Variants in DISP3 observed in about 807,000 individuals in gnomAD.
DISP3 encodes the protein protein dispatched homolog 3.
DISP3 carries 101 observed loss-of-function variants against 135.3 expected under a neutral mutation model. That is an observed-to-expected ratio of 0.75 (90% CI 0.64 to 0.88). The LOEUF (loss-of-function observed/expected upper bound fraction) is 0.88. DISP3 is among the 40% of genes least tolerant of loss of function. The pLI is 0.00. For missense variants in DISP3, 1,713 were observed against 1,878.6 expected (o/e 0.91, Z 1.63); for synonymous variants, 856 against 817.0 (o/e 1.05, Z -0.81).
intron 3 of DISP3, among the ~76,000 whole-genome samples, chr1:11,512,810 A>G (rs1641893891): frequency 6.6e-6 from 1 of 152,182 alleles, no homozygotes; most frequent in Non-Finnish European, 1.5e-5. Context: ...GAACAAAAAG[A>G]GGTTTAATCA....
intron 3 of DISP3, among the ~76,000 whole-genome samples, chr1:11,512,744 CA>C (rs1641891420): frequency 6.6e-6 from 1 of 152,100 alleles, no homozygotes; most frequent in Non-Finnish European, 1.5e-5. Flanking sequence ...CTACTGGTAC[CA>C]ATTTACTGTA....
intron 13 of DISP3, 44 bp downstream of exon 13, chr1:11,526,879 G>A (rs754284852): frequency 6.4e-7 from 1 of 1,570,014 alleles, no homozygotes; most frequent in Non-Finnish European, 8.6e-7. Context: ...CAGCCCGGCT[G>A]CTTCTTTGCC....
At chr1:11,522,771 G>GGCCC (rs1642265862) in intron 10 of DISP3, among the ~76,000 whole-genome samples, 1 of 39,338 alleles carries the variant, frequency 2.5e-5, no homozygotes, top group Non-Finnish European at 5.5e-5. Flanking sequence ...ACCCAGCCAG[G>GGCCC]ACCCAGCCAG....
intron 12 of DISP3, 119 bp downstream of exon 12, chr1:11,525,431 AC>A (rs997538171): frequency 3.3e-6 from 4 of 1,224,506 alleles, no homozygotes; most frequent in East Asian, 2.8e-5. Flanking sequence ...GAGGATGAAG[AC>A]CCCCCTCCCC....
At position 11,537,141 on chromosome 1, in the gene DISP3, G is replaced by A. The variant is rs138642078; in HGVS notation, c.*455G>A. 230 of 162,492 alleles carry A rather than the reference G, an allele frequency of 1.4e-3. 1 individual carries two copies. Among genetic ancestry groups the A allele is most frequent in the African/African-American group, 5.0e-3 (210 of 41,738 alleles). The allele number at this position is 162,492 out of a possible 1,614,324, so 10.1% of individuals were successfully genotyped here. A position where few individuals can be genotyped will look rare whatever the true frequency, so the allele number is the denominator to read the frequency against. ...CAGTAGCAGAGCCAGAGCTGCCTCC[G>A]AGCGCCATGCCGCCCTCGGGAATCA... On this transcript the variant is annotated 3_prime_UTR_variant, in exon 21 of 21. Coordinates refer to ENST00000294484, the MANE Select transcript of DISP3 (RefSeq NM_020780.2).
chr1:11,518,075 G>C (rs1642062459), intron 7 of DISP3, among the ~76,000 whole-genome samples: 1 of 152,204 alleles, frequency 6.6e-6, no homozygotes, highest in Non-Finnish European at 1.5e-5. Flanking sequence ...TCAGTTCAGA[G>C]TTGCTGCTGG....
rs1640958844 is a variant in DISP3, at chr1:11,483,508, GC to G, written c.-4+4138del. On this transcript the variant is annotated intron_variant, in intron 1 of 20. Transcript: ENST00000294484. This position sits in a 1 kb window ranked among gnomAD's most constrained non-coding sequence, Gnocchi z 5.4. ...GCCCAAGGTCACACAGCGAGAAGAGGCCAAGCTGGGATCAGATTTTGATCTG... is the reference window on the plus strand; with the variant it reads ...GCCCAAGGTCACACAGCGAGAAGAGGCAAGCTGGGATCAGATTTTGATCTG... Among the ~76,000 whole-genome samples the G allele has an allele frequency of 6.6e-6, 1 of 152,226 alleles. No homozygotes were observed. Among genetic ancestry groups the G allele is most frequent in the Non-Finnish European group, 1.5e-5 (1 of 68,038 alleles).
intron 10 of DISP3, 151 bp from the exon 11 acceptor site, chr1:11,523,791 G>C (rs1277488079): frequency 1.7e-6 from 1 of 586,900 alleles, no homozygotes; most frequent in Non-Finnish European, 3.0e-6. Flanking sequence ...GTTCTTTCTA[G>C]TTTCTTTCTG....
Position 11,519,943 on chromosome 1 carries a change from T to C in DISP3, c.2200+63T>C, listed in dbSNP as rs1436451463. 2 of 1,511,982 alleles carry C rather than the reference T, an allele frequency of 1.3e-6. No individual in the cohort carries two copies. 93.7% of individuals were successfully genotyped at this position (1,511,982 alleles called of 1,614,324 possible). A position where few individuals can be genotyped will look rare whatever the true frequency, so the allele number is the denominator to read the frequency against. ...CTCCACCCCCAAAACACACAGGAAC[T>C]GGGAGCCCACCCCCTCTCGCAGATG... On this transcript the variant is annotated intron_variant, in intron 9 of 20. Transcript: ENST00000294484. This position sits in a 1 kb window ranked among gnomAD's most constrained non-coding sequence, Gnocchi z 4.3.
At position 11,531,175 on chromosome 1, in the gene DISP3, C is replaced by A; in HGVS notation, c.3229+142C>A. ...TTTGCAGATGTGTATCTGTGCTGAG[C>A]ATGTCCACACCAGGGTGGGGTGTGT... On this transcript the variant is annotated intron_variant, in intron 16 of 20. Coordinates refer to ENST00000294484, the MANE Select transcript of DISP3 (RefSeq NM_020780.2). This position sits in a 1 kb window ranked among gnomAD's most constrained non-coding sequence, Gnocchi z 5.2. 2 of 1,351,728 alleles carry A rather than the reference C, an allele frequency of 1.5e-6. No homozygotes were observed. Among genetic ancestry groups the A allele is most frequent in the Non-Finnish European group, 2.0e-6 (2 of 994,810 alleles). 83.7% of individuals were successfully genotyped at this position (1,351,728 alleles called of 1,614,324 possible).
At chr1:11,523,806 C>T (rs961459177) in intron 10 of DISP3, 136 bp from the exon 11 acceptor site, 1 of 625,092 alleles carries the variant, frequency 1.6e-6, no homozygotes, top group Non-Finnish European at 2.8e-6. Flanking sequence ...TTTCTGACCC[C>T]TGACACCCAC....
At position 11,536,453 on chromosome 1, in the gene DISP3, G is replaced by A. The variant is rs1274962317; in HGVS notation, c.3946G>A (p.Ala1316Thr). Residue 1316 changes from alanine (A) to threonine (T), a missense_variant, in exon 21 of 21, where the codon GCC becomes ACC. Transcript: ENST00000294484. This position sits in a 1 kb window ranked among gnomAD's most constrained non-coding sequence, Gnocchi z 4.3. Reference protein sequence around the residue: ...PLFFCIIAPFAKFGKIVALNT... With the variant: ...PLFFCIIAPFTKFGKIVALNT... ...CTTCTTCTGCATCATCGCCCCATTTGCCAAGTTCGGCAAGATTGTGGCACT... is the reference window on the plus strand; with the variant it reads ...CTTCTTCTGCATCATCGCCCCATTTACCAAGTTCGGCAAGATTGTGGCACT... 1 of 1,613,648 alleles carries A rather than the reference G, an allele frequency of 6.2e-7. No individual in the cohort carries two copies. The highest frequency in any genetic ancestry group is 8.5e-7 in the Non-Finnish European group (1 of 1,180,006).
rs552086878 is a variant in DISP3 at position 11,479,310 on chromosome 1, C to G, written c.-66C>G. The G allele has an allele frequency of 5.1e-5, 8 of 155,950 alleles. No individual in the cohort carries two copies. Among genetic ancestry groups the G allele is most frequent in the Non-Finnish European group, 8.8e-5 (6 of 68,142 alleles). 9.7% of individuals were successfully genotyped at this position (155,950 alleles called of 1,614,324 possible). A position where few individuals can be genotyped will look rare whatever the true frequency, so the allele number is the denominator to read the frequency against. ...TGCGCAGCGTGGTGGCCGCCGCCCC[C>G]CGACCCTCTGCGCACTCTCTCCCGC... On this transcript the variant is annotated 5_prime_UTR_variant, in exon 1 of 21. Coordinates refer to ENST00000294484, the MANE Select transcript of DISP3 (RefSeq NM_020780.2).
chr1:11,519,716 C>T lies in DISP3; in HGVS notation c.2039-3C>T, dbSNP rs1642122629. ...CTGACGGGCCACTGCTCTGCCCTGG[C>T]AGTGTCACTGGAGCTGGGAGACGTG... On this transcript the variant is annotated splice_region_variant and splice_polypyrimidine_tract_variant and intron_variant, in intron 8 of 20. Transcript: ENST00000294484. This position sits in a 1 kb window ranked among gnomAD's most constrained non-coding sequence, Gnocchi z 4.3. The T allele has an allele frequency of 1.2e-6, 2 of 1,612,222 alleles. No homozygotes were observed. The highest frequency in any genetic ancestry group is 8.5e-7 in the Non-Finnish European group (1 of 1,179,702).
At chr1:11,522,421 C>T (rs1642223364) in intron 10 of DISP3, among the ~76,000 whole-genome samples, 1 of 152,200 alleles carries the variant, frequency 6.6e-6, no homozygotes, top group African/African-American at 2.4e-5. Flanking sequence ...CCCAGCTCCT[C>T]TACCCCACTG....
intron 4 of DISP3, among the ~76,000 whole-genome samples, 180 bp from the exon 5 acceptor site, chr1:11,515,189 G>A (rs531544297): frequency 3.9e-5 from 6 of 152,362 alleles, no homozygotes; most frequent in African/African-American, 9.6e-5. Context: ...CCTCCTGCCC[G>A]GTGCCCTTTT....
rs1642724496 is a variant in DISP3, at chr1:11,536,951, TC to T, written c.*268del. 2 of 516,704 alleles carry T rather than the reference TC, an allele frequency of 3.9e-6. No homozygotes were observed. The highest frequency in any genetic ancestry group is 3.4e-6 in the Non-Finnish European group (1 of 293,426). 32.0% of individuals were successfully genotyped at this position (516,704 alleles called of 1,614,324 possible). ...CAGTGGCAGAAGAGACCAGCCCTCC[TC>T]CCATGCCCGGTCACCATGGGGGTCA... On this transcript the variant is annotated 3_prime_UTR_variant, in exon 21 of 21. Coordinates refer to ENST00000294484, the MANE Select transcript of DISP3 (RefSeq NM_020780.2). This position sits in a 1 kb window ranked among gnomAD's most constrained non-coding sequence, Gnocchi z 4.3.
rs375529502 is a variant in DISP3 at position 11,531,489 on chromosome 1, G to A, written c.3230-76G>A. ...CTAAGCCTCAGAGGTATGTGAGTGC[G>A]TGGGCACAGGTGTGATGCAGGGGGA... is the stretch of plus-strand genomic sequence containing the variant. On this transcript the variant is annotated intron_variant, in intron 16 of 20. Coordinates refer to ENST00000294484, the MANE Select transcript of DISP3 (RefSeq NM_020780.2). This position sits in a 1 kb window ranked among gnomAD's most constrained non-coding sequence, Gnocchi z 5.2. 8.6e-5 allele frequency: 138 copies of A among 1,596,866 alleles called. 2 individuals are homozygous for A. The highest frequency in any genetic ancestry group is 2.4e-4 in the African/African-American group (18 of 74,664).
At chr1:11,515,837 G>A (rs1293239550) in intron 5 of DISP3, among the ~76,000 whole-genome samples, 164 bp from the exon 6 acceptor site, 1 of 152,094 alleles carries the variant, frequency 6.6e-6, no homozygotes, top group Non-Finnish European at 1.5e-5. Flanking sequence ...ACTCTTGGTG[G>A]GAGGAGCCAA....
Sources: allele counts gnomAD v4.1 joint callset (sites outside exome capture counted in the v4.1 genomes callset), GRCh38; gene constraint gnomAD v4.1.1; non-coding constraint Gnocchi (gnomAD v3.1); transcripts MANE v1.5; gene names NCBI Gene and HGNC (gene_info 2026-07-23, HGNC 2026-07-21).